The following TP73 variants were observed in gnomAD, a reference collection of about 807,000 sequenced individuals.
TP73 encodes p53-like transcription factor.
A neutral mutation model predicts 62.5 loss-of-function variants in TP73; 25 were observed. The observed-to-expected ratio is 0.40, with a 90% CI of 0.29 to 0.56. The LOEUF (loss-of-function observed/expected upper bound fraction) is 0.56. Among genes scored for constraint, TP73 ranks in the 20% least tolerant of loss-of-function variants. TP73 has a pLI of 0.46. For synonymous variants in TP73, 423 were observed against 377.5 expected, an observed-to-expected ratio of 1.12 and a Z score of -1.40; for missense variants, 754 against 913.3, an observed-to-expected ratio of 0.83 and a Z score of 2.25.
At chr1:3,668,750 T>C (rs1645176229) in intron 1 of TP73, 1 of 152,048 alleles carries the variant, frequency 6.6e-6, no homozygotes, top group Non-Finnish European at 1.5e-5. Context: ...GGTGGATGGG[T>C]TCCTGGGCCG....
At chr1:3,688,901 G>A (rs1329122281) in intron 3 of TP73, among the ~76,000 whole-genome samples, 6 of 152,152 alleles carry the variant, frequency 3.9e-5, no homozygotes, top group Non-Finnish European at 7.4e-5. Flanking sequence ...CTCTCCTTTT[G>A]GCTATTTATA....
intron 3 of TP73, among the ~76,000 whole-genome samples, chr1:3,695,254 CA>C (rs1183378724): frequency 6.6e-6 from 1 of 152,218 alleles, no homozygotes; most frequent in African/African-American, 2.4e-5. Context: ...TGCTGTCTAC[CA>C]ACACCCAGGA....
chr1:3,708,197 A>G lies in TP73; in HGVS notation c.429+406A>G, dbSNP rs558619444. On this transcript the variant is annotated intron_variant, in intron 4 of 13. Transcript: ENST00000378295. ...GGCCCACAGCCCTAGGGTCTGCAGA[A>G]CCTGCCTCCTCCAGGCAGCGAGACG... 19 of 208,612 alleles carry G rather than the reference A, an allele frequency of 9.1e-5. No homozygotes were observed. The East Asian group carries it at 2.2e-3, about 25-fold the overall frequency. The allele number at this position is 208,612 out of a possible 1,614,324, so 12.9% of individuals were successfully genotyped here. A position where few individuals can be genotyped will look rare whatever the true frequency, so the allele number is the denominator to read the frequency against.
intron 3 of TP73, among the ~76,000 whole-genome samples, chr1:3,695,845 C>T (rs1161768825): frequency 2.0e-5 from 3 of 152,208 alleles, no homozygotes; most frequent in Non-Finnish European, 2.9e-5. Flanking sequence ...TGGGACGATC[C>T]AGGGAATGGG....
intron 4 of TP73, chr1:3,714,439 T>C (rs1640421728): frequency 6.6e-6 from 1 of 152,226 alleles, no homozygotes; most frequent in African/African-American, 2.4e-5. Context: ...AAGCCACCAG[T>C]CAGGGTGGGG....
At chr1:3,717,577 G>A (rs1339611818) in intron 4 of TP73, among the ~76,000 whole-genome samples, 2 of 152,202 alleles carry the variant, frequency 1.3e-5, no homozygotes, top group East Asian at 1.9e-4. Context: ...GTGTCTCCAC[G>A]TGACCTTTCC....
chr1:3,700,352 C>T (rs556388554), intron 3 of TP73, among the ~76,000 whole-genome samples: 7 of 152,266 alleles, frequency 4.6e-5, no homozygotes, highest in Admixed American at 2.6e-4. Flanking sequence ...CCCTGTCATC[C>T]GATGGCACGG....
Position 3,733,125 on chromosome 1 carries a change from C to A in TP73, c.*46C>A. On this transcript the variant is annotated 3_prime_UTR_variant, in exon 14 of 14. Coordinates refer to ENST00000378295, the MANE Select transcript of TP73 (RefSeq NM_005427.4). ...CTGCGCCACCGCCCAGAGACCCAAG[C>A]TGCCTCCCCTCTCCTTCCTGTGTGT... 6.7e-7 allele frequency: 1 copy of A among 1,483,636 alleles called. No homozygotes were observed. The highest frequency in any genetic ancestry group is 1.3e-5 in the South Asian group (1 of 76,480). The allele number at this position is 1,483,636 out of a possible 1,614,324, so 91.9% of individuals were successfully genotyped here.
At chr1:3,729,518 G>A in intron 10 of TP73, 70 bp downstream of exon 10, 1 of 1,605,262 alleles carries the variant, frequency 6.2e-7, no homozygotes, top group Non-Finnish European at 8.5e-7. Flanking sequence ...GAGAAGGCCA[G>A]GAGGACCAGA....
intron 1 of TP73, among the ~76,000 whole-genome samples, chr1:3,654,852 C>T (rs1028759868): frequency 6.6e-5 from 10 of 152,240 alleles, no homozygotes; most frequent in Non-Finnish European, 1.0e-4. Flanking sequence ...ATTTATAGGG[C>T]ATGCCCCACC....
chr1:3,681,791 C>T (rs902034232), intron 1 of TP73, among the ~76,000 whole-genome samples: 4 of 152,072 alleles, frequency 2.6e-5, no homozygotes, highest in East Asian at 3.9e-4. Context: ...CTCCAGGTCC[C>T]GGGCATCAGG....
chr1:3,669,365 G>A (rs1386134513), intron 1 of TP73, among the ~76,000 whole-genome samples: 2 of 152,220 alleles, frequency 1.3e-5, no homozygotes, highest in Non-Finnish European at 2.9e-5. Flanking sequence ...GATGGGACAA[G>A]CCACAGCTCT....
chr1:3,730,005 A>G lies in TP73; in HGVS notation c.1202A>G (p.His401Arg). 6.3e-7 allele frequency: 1 copy of G among 1,589,260 alleles called. No homozygotes were observed. The highest frequency in any genetic ancestry group is 8.6e-7 in the Non-Finnish European group (1 of 1,162,428). Residue 401 changes from histidine to arginine, a missense_variant, in exon 11 of 14, where the codon CAC becomes CGC. By Grantham distance (29) the His-to-Arg change is conservative (BLOSUM62 0). Coordinates refer to ENST00000378295, the MANE Select transcript of TP73 (RefSeq NM_005427.4). ...GAGCCGTTGCTTCTGAGCAGGAGTC[A>G]CCTACAGCCCCCGTCCTACGGGCCG... ...QQQQLLQRPS[H>R]LQPPSYGPVL... is the part of the protein sequence containing the mutation.
At chr1:3,726,879 T>C (rs1410866179) in intron 6 of TP73, among the ~76,000 whole-genome samples, 1 of 144,298 alleles carries the variant, frequency 6.9e-6, no homozygotes, top group Non-Finnish European at 1.5e-5. Flanking sequence ...GATGGATGGA[T>C]GGATGAATAG....
intron 3 of TP73, among the ~76,000 whole-genome samples, chr1:3,694,940 A>C (rs72470157): frequency 6.8e-6 from 1 of 146,884 alleles, no homozygotes; most frequent in African/African-American, 2.5e-5. Context: ...CTGCAGCCTC[A>C]GCCCCTCCTC....
intron 3 of TP73, among the ~76,000 whole-genome samples, chr1:3,687,992 G>C (rs1011306990): frequency 2.0e-5 from 3 of 152,164 alleles, no homozygotes; most frequent in African/African-American, 7.2e-5. Flanking sequence ...ATTCTCCCCA[G>C]GCCCAGGAGA....
intron 3 of TP73, among the ~76,000 whole-genome samples, chr1:3,685,682 A>C (rs1377572037): frequency 6.6e-6 from 1 of 152,230 alleles, no homozygotes; most frequent in East Asian, 1.9e-4. Flanking sequence ...CCCAGGGCTT[A>C]GCTGCCTTGA....
intron 1 of TP73, among the ~76,000 whole-genome samples, chr1:3,674,513 G>A (rs182339507): frequency 2.0e-5 from 3 of 152,354 alleles, no homozygotes; most frequent in African/African-American, 4.8e-5. Flanking sequence ...ACAGGCCTTC[G>A]TCCCTGCCCC....
chr1:3,673,407 C>T (rs56255778), intron 1 of TP73, among the ~76,000 whole-genome samples: 1 of 152,128 alleles, frequency 6.6e-6, no homozygotes, highest in Non-Finnish European at 1.5e-5. Context: ...AATGGCAACT[C>T]GATACGGTTT....
Sources: gnomAD v4.1 joint callset for allele counts (sites outside exome capture counted in the v4.1 genomes callset) on GRCh38, gnomAD v4.1.1 for gene constraint, MANE v1.5 for transcripts, NCBI Gene and HGNC (gene_info 2026-07-23, HGNC 2026-07-21) for gene names.